The following SUGCT variants were observed in gnomAD, a reference collection of about 807,000 sequenced individuals.
SUGCT encodes the protein succinyl-CoA:glutarate CoA-transferase.
In SUGCT, 41 loss-of-function variants were observed where a neutral mutation model predicts 55.0. The ratio of observed to expected loss-of-function variants is 0.74; its 90% CI spans 0.58 to 0.97. The LOEUF is 0.97. SUGCT is among the 50% of genes least tolerant of loss of function. SUGCT has a pLI of 0.00. For synonymous variants in SUGCT, 187 were observed against 200.4 expected (o/e 0.93, Z 0.56); for missense variants, 568 against 547.8 (o/e 1.04, Z -0.37).
At position 40,415,066 on chromosome 7, in the gene SUGCT, A is replaced by ATCTG. The variant is rs1562760154; in HGVS notation, c.817-34218_817-34217insGTCT. On this transcript the variant is annotated intron_variant, in intron 9 of 13. Transcript: ENST00000335693. The stretch of plus-strand genomic sequence containing the variant: ...TCACAAAAAAAAAAAAAAAAAATCT[A>ATCTG]TCTATCTATCTATCTATCTATCTAT... Among the ~76,000 whole-genome samples the ATCTG allele has an allele frequency of 2.9e-4, 21 of 71,208 alleles. 1 individual carries two copies. The highest frequency in any genetic ancestry group is 5.3e-4 in the East Asian group (1 of 1,890). The allele number at this position is 71,208 out of a possible 152,430, so 46.7% of individuals were successfully genotyped here.
chr7:40,210,375 TTTGCC>T (rs548337699), intron 6 of SUGCT, among the ~76,000 whole-genome samples: 3 of 152,028 alleles, frequency 2.0e-5, no homozygotes, highest in Non-Finnish European at 4.4e-5. Flanking sequence ...TACCTTGGTT[TTTGCC>T]TGCTATACAC....
chr7:40,974,278 C>T, the SUGCT span, among the ~76,000 whole-genome samples: 3 of 152,100 alleles, frequency 2.0e-5, no homozygotes, highest in South Asian at 2.1e-4. Flanking sequence ...TTATGTTCCC[C>T]CAAATTCAAA....
At chr7:40,201,665 T>C (rs1786609531) in intron 6 of SUGCT, among the ~76,000 whole-genome samples, 1 of 152,204 alleles carries the variant, frequency 6.6e-6, no homozygotes, top group Admixed American at 6.5e-5. Context: ...CATATAAATA[T>C]AGGGTTTCAA....
intron 12 of SUGCT, among the ~76,000 whole-genome samples, chr7:40,530,040 T>G (rs1253410935): frequency 6.6e-6 from 1 of 152,184 alleles, no homozygotes; most frequent in Non-Finnish European, 1.5e-5. Context: ...TTTTTTTGCC[T>G]TTAAATTCTA....
intron 13 of SUGCT, among the ~76,000 whole-genome samples, chr7:40,763,138 T>G (rs73125727): frequency 0.057 from 8,605 of 152,150 alleles, 445 homozygotes; most frequent in Non-Finnish European, 0.076. Flanking sequence ...TTTTATGCAT[T>G]GTATTATACT....
chr7:40,266,939 C>T (rs561399281), intron 7 of SUGCT, among the ~76,000 whole-genome samples: 1 of 151,908 alleles, frequency 6.6e-6, no homozygotes, highest in African/African-American at 2.4e-5. Context: ...TCACTTGAAG[C>T]CAGGAGGTGG....
chr7:40,960,624 A>G, the SUGCT span, among the ~76,000 whole-genome samples: 39 of 152,248 alleles, frequency 2.6e-4, no homozygotes, highest in African/African-American at 8.4e-4. Context: ...TTATTTTTCA[A>G]AAGAAACATT....
At chr7:40,608,382 G>A (rs1357588062) in intron 12 of SUGCT, among the ~76,000 whole-genome samples, 2 of 152,084 alleles carry the variant, frequency 1.3e-5, no homozygotes, top group African/African-American at 4.8e-5. Context: ...TTTTCGTAGG[G>A]TAACTTTGGT....
At chr7:40,258,625 C>G (rs1290603696) in intron 7 of SUGCT, among the ~76,000 whole-genome samples, 1 of 152,222 alleles carries the variant, frequency 6.6e-6, no homozygotes, top group South Asian at 2.1e-4. Context: ...GATCCACCTG[C>G]CTTGGCCTCC....
chr7:40,874,086 G>A, the SUGCT span, among the ~76,000 whole-genome samples: 8 of 152,330 alleles, frequency 5.3e-5, no homozygotes, highest in South Asian at 1.4e-3. Flanking sequence ...TTAGTTAAAG[G>A]AGCCATGTGG....
chr7:40,174,841 T>A (rs1323672654), intron 1 of SUGCT, among the ~76,000 whole-genome samples: 1 of 152,162 alleles, frequency 6.6e-6, no homozygotes, highest in East Asian at 1.9e-4. Flanking sequence ...TGTCAATTGC[T>A]CTCCTAAAAG....
chr7:40,840,156 C>T (rs1356838187), intron 13 of SUGCT, among the ~76,000 whole-genome samples: 5 of 152,184 alleles, frequency 3.3e-5, no homozygotes, highest in Admixed American at 1.3e-4. Flanking sequence ...CATACTAAAG[C>T]GGAATCTCTG....
Position 40,179,969 on chromosome 7 carries a change from A to G in SUGCT, c.101-978A>G, listed in dbSNP as rs548938636. Among the ~76,000 whole-genome samples the G allele has an allele frequency of 2.6e-5, 4 of 152,316 alleles. No individual in the cohort carries two copies. The South Asian group carries it at 6.2e-4, about 24-fold the overall frequency. On this transcript the variant is annotated intron_variant, in intron 1 of 13. Coordinates refer to ENST00000335693, the MANE Select transcript of SUGCT (RefSeq NM_001193313.2). ...GGGGAAATAGCTGTAACAATTTACCACATTAAACATTGTTTTAGCTACTTC... is the reference window on the plus strand; with the variant it reads ...GGGGAAATAGCTGTAACAATTTACCGCATTAAACATTGTTTTAGCTACTTC...
chr7:40,374,918 T>C (rs1784471554), intron 9 of SUGCT, among the ~76,000 whole-genome samples: 1 of 152,170 alleles, frequency 6.6e-6, no homozygotes, highest in Non-Finnish European at 1.5e-5. Flanking sequence ...TTATGGATGC[T>C]ATCTGGCCCT....
the SUGCT span, among the ~76,000 whole-genome samples, chr7:40,913,864 T>A: frequency 1.3e-5 from 2 of 152,236 alleles, no homozygotes; most frequent in African/African-American, 2.4e-5. Flanking sequence ...GACCTCTTCA[T>A]GTCATGGCCA....
At chr7:40,569,276 T>C (rs1409982957) in intron 12 of SUGCT, among the ~76,000 whole-genome samples, 1 of 152,192 alleles carries the variant, frequency 6.6e-6, no homozygotes, top group Non-Finnish European at 1.5e-5. Context: ...TTCCATCCAG[T>C]GGTTACCGAA....
chr7:40,612,712 A>AG (rs1798823303), intron 12 of SUGCT, among the ~76,000 whole-genome samples: 1 of 152,250 alleles, frequency 6.6e-6, no homozygotes, highest in Non-Finnish European at 1.5e-5. Flanking sequence ...AGATTAAATG[A>AG]GAAAAACCTG....
At chr7:40,733,865 G>A (rs1398560512) in intron 12 of SUGCT, among the ~76,000 whole-genome samples, 4 of 152,214 alleles carry the variant, frequency 2.6e-5, no homozygotes, top group Non-Finnish European at 5.9e-5. Context: ...TCCTGATGCT[G>A]AAAACCTTTC....
At chr7:40,438,094 A>G (rs1788271528) in intron 9 of SUGCT, among the ~76,000 whole-genome samples, 1 of 152,130 alleles carries the variant, frequency 6.6e-6, no homozygotes, top group Admixed American at 6.6e-5. Flanking sequence ...CTTTATAATT[A>G]GGATGTCATC....
Sources: gnomAD v4.1 joint callset for allele counts (sites outside exome capture counted in the v4.1 genomes callset) on GRCh38, gnomAD v4.1.1 for gene constraint, MANE v1.5 for transcripts, NCBI Gene and HGNC (gene_info 2026-07-23, HGNC 2026-07-21) for gene names.